The following ABHD14B variants were observed in gnomAD, a reference collection of about 807,000 sequenced individuals.
The protein encoded by ABHD14B is abhydrolase domain containing 14B, also known as putative protein-lysine deacylase ABHD14B.
In ABHD14B, 19 loss-of-function variants were observed where a neutral mutation model predicts 15.4. That is an observed-to-expected ratio of 1.23 (90% confidence interval 0.86 to 1.81). The LOEUF (loss-of-function observed/expected upper bound fraction) is 1.81. Among genes scored for constraint, ABHD14B ranks in the 40% most tolerant of loss-of-function variants. ABHD14B has a pLI of 0.00. For missense variants in ABHD14B, 243 were observed against 267.0 expected (o/e 0.91, Z 0.63); for synonymous variants, 92 against 117.3 (o/e 0.78, Z 1.39).
rs150001519 is a variant in ABHD14B at position 51,970,459 on chromosome 3, C to T, written c.212-275G>A. ...AAGCCCAAGAAGTCTGGGTCCAGAA[C>T]CCAATTCTGCATTTATTGTCTATGT... is the stretch of plus-strand genomic sequence containing the variant. On this transcript the variant is annotated intron_variant, in intron 2 of 3. Transcript: ENST00000361143. 15 of 613,120 alleles carry T rather than the reference C, an allele frequency of 2.4e-5. No individual in the cohort carries two copies. In the African/African-American group the frequency reaches 2.7e-4, roughly 11 times the overall value. The allele number at this position is 613,120 out of a possible 1,614,324, so 38.0% of individuals were successfully genotyped here.
rs893241870 is a variant in ABHD14B, at chr3:51,969,762, AAC to A, written c.454-159_454-158del. 8 of 1,405,924 alleles carry A rather than the reference AAC, an allele frequency of 5.7e-6. No homozygotes were observed. The African/African-American group carries it at 9.9e-5, about 17-fold the overall frequency. The allele number at this position is 1,405,924 out of a possible 1,614,324, so 87.1% of individuals were successfully genotyped here. A position where few individuals can be genotyped will look rare whatever the true frequency, so the allele number is the denominator to read the frequency against. On this transcript the variant is annotated intron_variant, in intron 3 of 3. Transcript: ENST00000361143. ...GGGCACAGATTGGTGTCTGCCCCAG[AAC>A]ACAGTTTAGCACAGGGCTTGGCACA...
chr3:51,971,160 A>G (rs1402778969), intron 2 of ABHD14B, among the ~76,000 whole-genome samples: 1 of 152,152 alleles, frequency 6.6e-6, no homozygotes, highest in African/African-American at 2.4e-5. Flanking sequence ...AGCCCAAAAC[A>G]TGAGTGTGGT....
rs765061080 is a variant in ABHD14B at position 51,969,941 on chromosome 3, A to T, written c.453+2T>A. The T allele has an allele frequency of 1.2e-6, 2 of 1,614,162 alleles. No homozygotes were observed. Among genetic ancestry groups the T allele is most frequent in the Non-Finnish European group, 1.7e-6 (2 of 1,180,022 alleles). Reference sequence around the variant, plus strand: ...GCACCTCAGCTTCCCACACAAGGGTACCTTCACACTGGCATAGTTGGCAGC... The same window carrying T: ...GCACCTCAGCTTCCCACACAAGGGTTCCTTCACACTGGCATAGTTGGCAGC... On this transcript the variant is annotated splice_donor_variant, in intron 3 of 3. Coordinates refer to ENST00000361143, the MANE Select transcript of ABHD14B (RefSeq NM_001146314.2). LOFTEE classifies it high-confidence loss of function.
intron 2 of ABHD14B, chr3:51,970,898 G>A (rs1700640726): frequency 6.6e-6 from 3 of 453,044 alleles, no homozygotes; most frequent in South Asian, 3.1e-5. Flanking sequence ...AGGCAGTCTG[G>A]GCACTGATCC....
intron 1 of ABHD14B, 43 bp downstream of exon 1, chr3:51,973,922 T>G: frequency 2.3e-6 from 3 of 1,289,614 alleles, no homozygotes; most frequent in Non-Finnish European, 3.0e-6. Flanking sequence ...GGGGTTGGAT[T>G]TTGACTGGAG....
In ABHD14B at chr3:51,971,668, C is replaced by CATGCCTGCTGCT. The variant is rs1461825537; in HGVS notation, c.-10_2dup (p.Gln1_?0). On this transcript the variant is annotated start_lost and start_retained_variant, in exon 2 of 4. Transcript: ENST00000361143. ...CCTCGCGCTGCTCCACGCTTGCTGC[C>CATGCCTGCTGCT]ATGCCTGCTGCTGCTGTGCTGGTGA... is the stretch of plus-strand genomic sequence containing the variant. The CATGCCTGCTGCT allele has an allele frequency of 9.9e-6, 16 of 1,610,862 alleles. No individual in the cohort carries two copies. The highest frequency in any genetic ancestry group is 1.4e-5 in the Non-Finnish European group (16 of 1,179,008).
At chr3:51,969,850 C>G in intron 3 of ABHD14B, 93 bp downstream of exon 3, 1 of 1,606,462 alleles carries the variant, frequency 6.2e-7, no homozygotes, top group Middle Eastern at 1.7e-4. Context: ...CAGAAGACAC[C>G]CCTTGATTAT....
At chr3:51,971,154 C>G (rs1700645330) in intron 2 of ABHD14B, among the ~76,000 whole-genome samples, 1 of 152,174 alleles carries the variant, frequency 6.6e-6, no homozygotes, top group African/African-American at 2.4e-5. Context: ...AGAGCGAGCC[C>G]AAAACATGAG....
intron 3 of ABHD14B, 39 bp downstream of exon 3, chr3:51,969,904 C>T: frequency 3.7e-6 from 6 of 1,614,192 alleles, no homozygotes; most frequent in Non-Finnish European, 5.1e-6. Flanking sequence ...CCCTTCCTTG[C>T]TCCTGGCAGG....
At chr3:51,973,843 C>T (rs1324244550) in intron 1 of ABHD14B, 122 bp downstream of exon 1, 3 of 1,289,538 alleles carry the variant, frequency 2.3e-6, no homozygotes, top group Non-Finnish European at 3.0e-6. Context: ...AAGGGAGCAC[C>T]GGGAGGGAAT....
In ABHD14B at chr3:51,969,558, G is replaced by A. The variant is rs1559771098; in HGVS notation, c.501C>T (p.Thr167=). 1 of 1,613,878 alleles carries A rather than the reference G, an allele frequency of 6.2e-7. No individual in the cohort carries two copies. Among genetic ancestry groups the A allele is most frequent in the Middle Eastern group, 1.7e-4 (1 of 6,060 alleles). Residue 167 remains threonine (T), a synonymous_variant, in exon 4 of 4, where the codon ACC becomes ACT. Coordinates refer to ENST00000361143, the MANE Select transcript of ABHD14B (RefSeq NM_001146314.2). The part of the protein sequence containing the change: ...VYGDQDPMGQ[T]SFEHLKQLPN... ...GCAGCTGCTTCAGGTGCTCAAAGCT[G>A]GTCTGACCCATGGGGTCCTGGTCTC...
chr3:51,971,916 C>T, intron 1 of ABHD14B: 2 of 946,218 alleles, frequency 2.1e-6, no homozygotes, highest in South Asian at 6.1e-5. Flanking sequence ...ACAATAAAGC[C>T]AACTTCAAGA....
At position 51,971,480 on chromosome 3, in the gene ABHD14B, G is replaced by C; in HGVS notation, c.191C>G (p.Ala64Gly). Residue 64 changes from alanine to glycine, a missense_variant, in exon 2 of 4, where the codon GCT (alanine) becomes GGT (glycine). By Grantham distance (60) the Ala-to-Gly change is moderately conservative. Transcript: ENST00000361143. ...AGTACCTGGCAGGTCAATGGCCACA[G>C]CCCGGTAGCCAGCCTGGGCCAGCCT... ...LHRLAQAGYRAVAIDLPGLGH... is the reference protein window; with the variant it reads ...LHRLAQAGYRGVAIDLPGLGH... The C allele has an allele frequency of 6.3e-7, 1 of 1,596,870 alleles. No homozygotes were observed. Among genetic ancestry groups the C allele is most frequent in the Non-Finnish European group, 8.6e-7 (1 of 1,169,578 alleles).
At chr3:51,971,382 G>A (rs769480648) in intron 2 of ABHD14B, 78 bp downstream of exon 2, 1 of 1,423,600 alleles carries the variant, frequency 7.0e-7, no homozygotes, top group East Asian at 2.5e-5. Context: ...GTGGGGAGGG[G>A]CTACATGTTA....
intron 1 of ABHD14B, 174 bp from the exon 2 acceptor site, chr3:51,971,872 C>T: frequency 7.8e-7 from 1 of 1,287,858 alleles, no homozygotes; most frequent in Non-Finnish European, 1.0e-6. Flanking sequence ...AGTGTGTAAC[C>T]TGGGGCCTCA....
intron 1 of ABHD14B, among the ~76,000 whole-genome samples, chr3:51,972,106 G>T (rs752159658): frequency 2.0e-5 from 3 of 151,010 alleles, no homozygotes; most frequent in Non-Finnish European, 4.4e-5. Context: ...AATTAGCCAG[G>T]TGTGGTGGCA....
Position 51,973,519 on chromosome 3 carries a change from C to T in ABHD14B, c.-29+446G>A, listed in dbSNP as rs73082763. 3.7e-3 allele frequency among the ~76,000 whole-genome samples: 448 copies of T among 120,724 alleles called. 1 individual carries two copies. Among genetic ancestry groups the T allele is most frequent in the Middle Eastern group, 8.3e-3 (2 of 240 alleles). 79.2% of individuals were successfully genotyped at this position (120,724 alleles called of 152,430 possible). ...CATTTTCTTCGGTTTTTTTTTTTTT[C>T]TTTTTTTTTTTTTTAAGAGAAGATG... is the stretch of plus-strand genomic sequence containing the variant. On this transcript the variant is annotated intron_variant, in intron 1 of 3. Transcript: ENST00000361143.
chr3:51,973,810 C>A (rs1409015114), intron 1 of ABHD14B, 155 bp downstream of exon 1: 2 of 1,287,440 alleles, frequency 1.6e-6, no homozygotes, highest in African/African-American at 1.5e-5. Context: ...CCGCGGACTA[C>A]GGTTCTGGCT....
chr3:51,971,877 G>T, intron 1 of ABHD14B, 179 bp from the exon 2 acceptor site: 1 of 1,252,784 alleles, frequency 8.0e-7, no homozygotes, highest in Non-Finnish European at 1.0e-6. Context: ...GTAACCTGGG[G>T]CCTCAGCTTC....
Sources: gnomAD v4.1 joint callset for allele counts (sites outside exome capture counted in the v4.1 genomes callset) on GRCh38, gnomAD v4.1.1 for gene constraint, MANE v1.5 for transcripts, NCBI Gene and HGNC (gene_info 2026-07-23, HGNC 2026-07-21) for gene names.